Variants in GABRG3 observed in about 807,000 individuals in gnomAD.
The protein encoded by GABRG3 is gamma-aminobutyric acid type A receptor subunit gamma3.
In GABRG3, 25 loss-of-function variants were observed where a neutral mutation model predicts 48.8. The observed-to-expected ratio is 0.51, with a 90% CI of 0.37 to 0.72. GABRG3 has a LOEUF of 0.72. Among genes scored for constraint, GABRG3 ranks in the 30% least tolerant of loss-of-function variants. The pLI is 0.00. For missense variants in GABRG3, 394 were observed against 577.9 expected, an observed-to-expected ratio of 0.68 and a Z score of 3.26; for synonymous variants, 227 against 217.6, an observed-to-expected ratio of 1.04 and a Z score of -0.38.
chr15:27,283,580 C>T (rs1891508710), intron 3 of GABRG3, among the ~76,000 whole-genome samples: 1 of 152,180 alleles, frequency 6.6e-6, no homozygotes, highest in Admixed American at 6.5e-5. Flanking sequence ...CACTCTAGCC[C>T]AGGCAACAGA....
At chr15:27,449,293 C>T (rs1343195017) in intron 5 of GABRG3, among the ~76,000 whole-genome samples, 1 of 152,174 alleles carries the variant, frequency 6.6e-6, no homozygotes, top group Non-Finnish European at 1.5e-5. Flanking sequence ...ATCCAGGCAC[C>T]TCTCTAGCAT....
At chr15:27,143,551 T>G (rs1898144090) in intron 3 of GABRG3, among the ~76,000 whole-genome samples, 1 of 152,168 alleles carries the variant, frequency 6.6e-6, no homozygotes, top group South Asian at 2.1e-4. Context: ...GCAAATCAAG[T>G]CATACATTCT....
At chr15:27,492,272 C>A (rs1313471532) in intron 6 of GABRG3, among the ~76,000 whole-genome samples, 1 of 152,180 alleles carries the variant, frequency 6.6e-6, no homozygotes, top group African/African-American at 2.4e-5. Context: ...AAAGAGAGGG[C>A]ACATTCCAAC....
At chr15:27,521,258 A>C (rs1181365810) in intron 7 of GABRG3, among the ~76,000 whole-genome samples, 2 of 152,168 alleles carry the variant, frequency 1.3e-5, no homozygotes, top group Non-Finnish European at 2.9e-5. Flanking sequence ...AGAAGAATTG[A>C]GGAACTTTAT....
At chr15:27,050,182 T>C (rs2140709467) in intron 3 of GABRG3, among the ~76,000 whole-genome samples, 1 of 152,344 alleles carries the variant, frequency 6.6e-6, no homozygotes, top group Admixed American at 6.5e-5. Context: ...TGAGATAGTC[T>C]CCACATGTTC....
chr15:27,011,698 A>G (rs919287880), intron 2 of GABRG3, among the ~76,000 whole-genome samples: 1 of 151,984 alleles, frequency 6.6e-6, no homozygotes. Context: ...AATACAAAAA[A>G]TTAGCCGGGT....
At chr15:27,264,153 C>A (rs931396897) in intron 3 of GABRG3, among the ~76,000 whole-genome samples, 1 of 151,800 alleles carries the variant, frequency 6.6e-6, no homozygotes, top group Admixed American at 6.6e-5. Flanking sequence ...AAACAGACAG[C>A]GGCCTCTGGA....
chr15:27,130,077 T>TG (rs1334646192), intron 3 of GABRG3, among the ~76,000 whole-genome samples: 3 of 150,468 alleles, frequency 2.0e-5, no homozygotes, highest in Non-Finnish European at 4.4e-5. Context: ...GTTTATCTAT[T>TG]TTTTTCTTTT....
At chr15:27,051,589 G>C (rs1453347321) in intron 3 of GABRG3, among the ~76,000 whole-genome samples, 3 of 152,180 alleles carry the variant, frequency 2.0e-5, no homozygotes, top group African/African-American at 7.2e-5. Context: ...CCCTTCCTCT[G>C]TGTGGGGACA....
intron 3 of GABRG3, among the ~76,000 whole-genome samples, chr15:27,124,763 T>C (rs888343008): frequency 3.9e-5 from 6 of 152,168 alleles, no homozygotes; most frequent in Non-Finnish European, 8.8e-5. Flanking sequence ...CACCAGCTTG[T>C]TGCCTCAGGC....
At chr15:27,446,712 G>A (rs192348492) in intron 5 of GABRG3, among the ~76,000 whole-genome samples, 6 of 151,994 alleles carry the variant, frequency 3.9e-5, no homozygotes, top group Non-Finnish European at 8.8e-5. Context: ...ATACAATTTG[G>A]GAATTCTTGT....
intron 3 of GABRG3, among the ~76,000 whole-genome samples, chr15:27,199,836 T>C (rs567134327): frequency 3.7e-4 from 57 of 152,322 alleles, no homozygotes; most frequent in Admixed American, 5.9e-4. Context: ...CTTTAAATTT[T>C]TGTGGCTGGT....
intron 2 of GABRG3, among the ~76,000 whole-genome samples, chr15:26,989,881 T>A (rs1210316505): frequency 2.0e-5 from 3 of 152,192 alleles, no homozygotes; most frequent in South Asian, 4.1e-4. Context: ...GAACATCCAA[T>A]GTTTGTCTTT....
chr15:27,408,935 T>C (rs766434815), intron 5 of GABRG3, among the ~76,000 whole-genome samples: 2 of 152,322 alleles, frequency 1.3e-5, no homozygotes, highest in Non-Finnish European at 2.9e-5. Flanking sequence ...TTGTACAGTA[T>C]GTATTATACA....
chr15:27,346,095 A>AG (rs1566797089), intron 5 of GABRG3, among the ~76,000 whole-genome samples: 45 of 139,374 alleles, frequency 3.2e-4, no homozygotes, highest in Admixed American at 6.9e-4. Context: ...AGAAAGAAAG[A>AG]AAGGAAAGAA....
At chr15:27,266,230 ATCAT>A (rs1890917696) in intron 3 of GABRG3, among the ~76,000 whole-genome samples, 1 of 151,882 alleles carries the variant, frequency 6.6e-6, no homozygotes, top group Non-Finnish European at 1.5e-5. Context: ...ATTTACATCA[ATCAT>A]TCATTTTGAG....
rs1051052152 is a variant in GABRG3, at chr15:27,378,266, A to T, written c.574+49378A>T. Among the ~76,000 whole-genome samples, 16 of 152,276 alleles carry T rather than the reference A, an allele frequency of 1.1e-4. No individual in the cohort carries two copies. The Middle Eastern group carries it at 0.01, about 97-fold the overall frequency. On this transcript the variant is annotated intron_variant, in intron 5 of 9. Coordinates refer to ENST00000615808, the MANE Select transcript of GABRG3 (RefSeq NM_033223.5). ...TAAAAGCTGAAATTTAAAAAAATTA[A>T]AAAAACCCACAAATTTTCTCTCCCT...
At chr15:27,185,573 A>C (rs1007322385) in intron 3 of GABRG3, among the ~76,000 whole-genome samples, 2 of 152,178 alleles carry the variant, frequency 1.3e-5, no homozygotes, top group African/African-American at 4.8e-5. Flanking sequence ...TGAGTAGGTC[A>C]GATTAATGTT....
chr15:27,425,946 TG>T (rs1888278511), intron 5 of GABRG3, among the ~76,000 whole-genome samples: 2 of 152,208 alleles, frequency 1.3e-5, no homozygotes, highest in Non-Finnish European at 2.9e-5. Context: ...GTGAAGAAGC[TG>T]GTAGAGTGTG....
Sources: gnomAD v4.1 joint callset for allele counts (sites outside exome capture counted in the v4.1 genomes callset) on GRCh38, gnomAD v4.1.1 for gene constraint, MANE v1.5 for transcripts, NCBI Gene and HGNC (gene_info 2026-07-23, HGNC 2026-07-21) for gene names.